Variants in PRDM10 observed in about 807,000 individuals in gnomAD.
The protein encoded by PRDM10 is PR/SET domain 10.
A neutral mutation model predicts 133.1 loss-of-function variants in PRDM10; 65 were observed. That is an observed-to-expected ratio of 0.49 (90% confidence interval 0.40 to 0.60). The LOEUF is 0.60. PRDM10 is among the 20% of genes least tolerant of loss of function. The pLI is 0.00. For synonymous variants in PRDM10, 582 were observed against 580.4 expected (o/e 1.00, Z -0.04); for missense variants, 1,137 against 1,507.1 (o/e 0.75, Z 4.07).
intron 17 of PRDM10, among the ~76,000 whole-genome samples, chr11:129,913,859 C>G (rs1000320302): frequency 1.3e-5 from 2 of 152,224 alleles, no homozygotes; most frequent in Non-Finnish European, 2.9e-5. Flanking sequence ...GGGGACACTT[C>G]TCCTCAGTGT....
intron 5 of PRDM10, among the ~76,000 whole-genome samples, chr11:129,946,156 T>A (rs1951403133): frequency 1.3e-5 from 2 of 151,610 alleles, no homozygotes; most frequent in African/African-American, 4.8e-5. Flanking sequence ...GGCTGAGGCT[T>A]GAGAATTGCT....
intron 1 of PRDM10, among the ~76,000 whole-genome samples, chr11:130,000,448 A>G (rs1939288402): frequency 6.6e-6 from 1 of 152,230 alleles, no homozygotes; most frequent in South Asian, 2.1e-4. Flanking sequence ...TTGGGATTAT[A>G]TTGAGTTGTG....
chr11:129,931,570 TA>T (rs1950860504), intron 10 of PRDM10, among the ~76,000 whole-genome samples: 9 of 123,188 alleles, frequency 7.3e-5, no homozygotes, highest in Admixed American at 3.0e-4. Flanking sequence ...TATTTTATTT[TA>T]TTTTATTTTT....
chr11:129,946,899 T>A (rs144850917), intron 5 of PRDM10, among the ~76,000 whole-genome samples: 247 of 152,240 alleles, frequency 1.6e-3, no homozygotes, highest in African/African-American at 5.8e-3. Flanking sequence ...CGTCCCTGTG[T>A]GACCCCCAGC....
chr11:129,910,096 G>T (rs1234232745), intron 19 of PRDM10, among the ~76,000 whole-genome samples: 5 of 152,194 alleles, frequency 3.3e-5, no homozygotes, highest in Non-Finnish European at 1.5e-5. Flanking sequence ...TTATTGTGTG[G>T]TGTTACCGAT....
At chr11:129,948,979 A>C (rs1305982456) in intron 4 of PRDM10, among the ~76,000 whole-genome samples, 2 of 152,188 alleles carry the variant, frequency 1.3e-5, no homozygotes, top group Admixed American at 1.3e-4. Flanking sequence ...ATTTTTACTT[A>C]AATGGGGGAT....
At chr11:129,911,564 C>T (rs1950187340) in intron 18 of PRDM10, among the ~76,000 whole-genome samples, 1 of 152,190 alleles carries the variant, frequency 6.6e-6, no homozygotes, top group Non-Finnish European at 1.5e-5. Flanking sequence ...TTTTCCATTG[C>T]AGCATGAGCT....
intron 2 of PRDM10, 140 bp from the exon 3 acceptor site, chr11:129,958,050 G>A (rs1274158695): frequency 4.2e-6 from 4 of 957,074 alleles, no homozygotes; most frequent in Non-Finnish European, 1.5e-6. Flanking sequence ...GTGGTGACTA[G>A]GGGAGGATGC....
chr11:129,910,771 C>A (rs1163913121), intron 18 of PRDM10, 115 bp from the exon 19 acceptor site: 1 of 1,002,984 alleles, frequency 1.0e-6, no homozygotes, highest in Non-Finnish European at 1.4e-6. Flanking sequence ...CTGAAACTAT[C>A]GTTGCTATTT....
intron 11 of PRDM10, among the ~76,000 whole-genome samples, chr11:129,930,432 C>T (rs1270346827): frequency 6.6e-6 from 1 of 152,186 alleles, no homozygotes; most frequent in Non-Finnish European, 1.5e-5. Context: ...GCCCTGCAGC[C>T]GCATGGTCTG....
At chr11:129,905,772 GGTCTC>G in intron 19 of PRDM10, 31 bp from the exon 20 acceptor site, 1 of 1,579,730 alleles carries the variant, frequency 6.3e-7, no homozygotes, top group Non-Finnish European at 8.7e-7. Context: ...ATAGTTCAGT[GGTCTC>G]AGATTTTAAC....
At chr11:129,939,617 C>T (rs1443427848) in intron 7 of PRDM10, among the ~76,000 whole-genome samples, 2 of 152,238 alleles carry the variant, frequency 1.3e-5, no homozygotes, top group East Asian at 1.9e-4. Context: ...TTGTACTGTT[C>T]TCACCTCATT....
Position 129,918,638 on chromosome 11 carries a change from G to C in PRDM10, c.2115C>G (p.Arg705=). ...TGATGCGGGGCTTGAACGTCTTGGA[G>C]CGGCTGATGCGGTCGGCTTTCTTGG... ...REAKKADRIS[R]SKTFKPRITS... is the part of the protein sequence containing the mutation. The change falls in exon 14 of 21, where the codon CGC becomes CGG. Residue 705 remains arginine, a synonymous_variant. Transcript: ENST00000360871. This position sits in a 1 kb window ranked among gnomAD's most constrained non-coding sequence, Gnocchi z 5.3. 1 of 1,614,212 alleles carries C rather than the reference G, an allele frequency of 6.2e-7. No homozygotes were observed. The highest frequency in any genetic ancestry group is 8.5e-7 in the Non-Finnish European group (1 of 1,180,018).
chr11:129,983,357 C>T lies in PRDM10; in HGVS notation c.-119+19365G>A, dbSNP rs182247902. Among the ~76,000 whole-genome samples the T allele has an allele frequency of 9.8e-3, 1,481 of 150,464 alleles. 10 individuals are homozygous for T. Among genetic ancestry groups the T allele is most frequent in the African/African-American group, 0.02 (805 of 40,892 alleles). Reference sequence around the variant, plus strand: ...TCACCCAGGCTGGAGTGCAGTGGCGCGATCTCAGCTCACTGCAAGCTCTGC... The same window carrying T: ...TCACCCAGGCTGGAGTGCAGTGGCGTGATCTCAGCTCACTGCAAGCTCTGC... On this transcript the variant is annotated intron_variant, in intron 1 of 20. Coordinates refer to ENST00000360871, the MANE Select transcript of PRDM10 (RefSeq NM_199437.2).
intron 1 of PRDM10, among the ~76,000 whole-genome samples, chr11:129,987,569 C>G (rs1338025846): frequency 6.6e-6 from 1 of 152,100 alleles, no homozygotes; most frequent in Non-Finnish European, 1.5e-5. Flanking sequence ...AGCATATGTC[C>G]CTAAAAGACT....
intron 1 of PRDM10, among the ~76,000 whole-genome samples, chr11:130,000,604 G>C (rs979059548): frequency 6.6e-6 from 1 of 152,142 alleles, no homozygotes; most frequent in African/African-American, 2.4e-5. Context: ...CAAAATATTA[G>C]AAAAACTAAA....
In PRDM10 at chr11:129,960,966, T is replaced by C. The variant is rs368056633; in HGVS notation, c.-2A>G. 1 of 1,613,984 alleles carries C rather than the reference T, an allele frequency of 6.2e-7. No homozygotes were observed. The highest frequency in any genetic ancestry group is 8.5e-7 in the Non-Finnish European group (1 of 1,180,028). ...CGAGCTTTCATCTTTGGAATCCATC[T>C]TCTCCCAACTGGACAGCTCCACGTC... On this transcript the variant is annotated 5_prime_UTR_variant, in exon 2 of 21. Transcript: ENST00000360871.
rs1939229641 is a variant in PRDM10 at position 129,999,493 on chromosome 11, G to A, written c.-119+3229C>T. ...GGGTGTGGCTACACTATCTGGGGTG[G>A]GATGTGATGGGAGAAGACTATGTAT... On this transcript the variant is annotated intron_variant, in intron 1 of 20. Coordinates refer to ENST00000360871, the MANE Select transcript of PRDM10 (RefSeq NM_199437.2). Among the ~76,000 whole-genome samples, 4 of 152,268 alleles carry A rather than the reference G, an allele frequency of 2.6e-5. No homozygotes were observed. The South Asian group carries it at 8.3e-4, about 32-fold the overall frequency.
At chr11:129,930,849 T>C (rs566117798) in intron 11 of PRDM10, among the ~76,000 whole-genome samples, 167 bp downstream of exon 11, 1 of 152,290 alleles carries the variant, frequency 6.6e-6, no homozygotes, top group East Asian at 1.9e-4. Context: ...CACAGAGACA[T>C]TGAGAAATAG....
Sources: gnomAD v4.1 joint callset for allele counts (sites outside exome capture counted in the v4.1 genomes callset) on GRCh38, gnomAD v4.1.1 for gene constraint, Gnocchi (gnomAD v3.1) non-coding constraint, MANE v1.5 for transcripts, NCBI Gene and HGNC (gene_info 2026-07-23, HGNC 2026-07-21) for gene names.